LRIG1: variants seen among roughly 807,000 people sequenced by gnomAD.
The protein encoded by LRIG1 is leucine-rich repeats and immunoglobulin-like domains protein 1.
LRIG1 carries 48 observed loss-of-function variants against 99.2 expected under a neutral mutation model. The ratio of observed to expected loss-of-function variants is 0.48; its 90% confidence interval spans 0.38 to 0.62. The LOEUF (loss-of-function observed/expected upper bound fraction) is 0.62, where lower values mean the gene tolerates loss of function less well. LRIG1 is among the 20% of genes least tolerant of loss of function. LRIG1 has a pLI of 0.00. For missense variants in LRIG1, 1,646 were observed against 1,434.4 expected, an observed-to-expected ratio of 1.15 and a Z score of -2.38; for synonymous variants, 772 against 596.1, an observed-to-expected ratio of 1.29 and a Z score of -4.30.
chr3:66,479,208 T>C (rs1700793740), intron 1 of LRIG1, among the ~76,000 whole-genome samples: 1 of 152,264 alleles, frequency 6.6e-6, no homozygotes, highest in African/African-American at 2.4e-5. Context: ...AAGGCAGACC[T>C]GCCTCGGAAC....
chr3:66,435,964 T>TA (rs1703343435), intron 3 of LRIG1, among the ~76,000 whole-genome samples: 1 of 152,192 alleles, frequency 6.6e-6, no homozygotes, highest in South Asian at 2.1e-4. Flanking sequence ...AGCAGAAACT[T>TA]ACACAGTATG....
In LRIG1 at chr3:66,466,255, C is replaced by T. The variant is rs1362013741; in HGVS notation, c.219-3746G>A. 2.0e-5 allele frequency among the ~76,000 whole-genome samples: 3 copies of T among 152,230 alleles called. No homozygotes were observed. The East Asian group carries it at 5.8e-4, about 29-fold the overall frequency. ...GGAGGGTCTCCCTATATTGCCCAGG[C>T]TAGTCTTGAACTCCTGGCCTGAAGC... On this transcript the variant is annotated intron_variant, in intron 1 of 18. Coordinates refer to ENST00000273261, the MANE Select transcript of LRIG1 (RefSeq NM_015541.3).
Position 66,380,326 on chromosome 3 carries a change from C to T in LRIG1, c.3219G>A (p.Thr1073=), listed in dbSNP as rs371148346. 1.7e-5 allele frequency: 27 copies of T among 1,614,046 alleles called. 1 individual carries two copies. The highest frequency in any genetic ancestry group is 1.3e-4 in the African/African-American group (10 of 74,912). Residue 1073 remains threonine, a synonymous_variant, in exon 19 of 19, where the codon ACG becomes ACA. Transcript: ENST00000273261. ...TCCCGGGGAGCTGTCCTGTCAGTGG[C>T]GTGGACTCGGGACTGGCGTCACATG... The part of the protein sequence containing the change: ...PKACDASPES[T]PLTGQLPGKQ...
chr3:66,469,539 C>A (rs1227769003), intron 1 of LRIG1, among the ~76,000 whole-genome samples: 2 of 152,214 alleles, frequency 1.3e-5, no homozygotes, highest in Non-Finnish European at 2.9e-5. Context: ...CTCATGCCTA[C>A]CTCTGTGATC....
intron 8 of LRIG1, chr3:66,405,868 TC>T: frequency 9.2e-7 from 1 of 1,089,744 alleles, no homozygotes; most frequent in Non-Finnish European, 1.1e-6. Flanking sequence ...CTCGCCAGGA[TC>T]AGAGGGATGA....
intron 3 of LRIG1, among the ~76,000 whole-genome samples, chr3:66,441,032 C>T (rs569764846): frequency 2.0e-5 from 3 of 152,082 alleles, no homozygotes; most frequent in Non-Finnish European, 2.9e-5. Context: ...GAAAAGGAGC[C>T]CTGCTATTTA....
intron 1 of LRIG1, among the ~76,000 whole-genome samples, chr3:66,487,191 A>G (rs1441296927): frequency 6.6e-6 from 1 of 152,226 alleles, no homozygotes; most frequent in Non-Finnish European, 1.5e-5. Flanking sequence ...GTTCTGACAT[A>G]TAAAATCAGA....
At chr3:66,407,633 ACC>A in intron 7 of LRIG1, 142 bp from the exon 8 acceptor site, 1 of 777,162 alleles carries the variant, frequency 1.3e-6, no homozygotes, top group Non-Finnish European at 2.1e-6. Context: ...GCACACACAC[ACC>A]CACACCCACA....
chr3:66,380,720 T>G lies in LRIG1; in HGVS notation c.2912A>C (p.Asp971Ala), dbSNP rs140085866. ...APNGPEPGGS[D>A]QEHSPHHQCS... ...CTGGTGATGTGGAGAATGCTCTTGGTCACTCCCACCCGGCTCCGGGCCATT... is the reference window on the plus strand; with the variant it reads ...CTGGTGATGTGGAGAATGCTCTTGGGCACTCCCACCCGGCTCCGGGCCATT... Residue 971 changes from aspartate (D) to alanine (A), a missense_variant, in exon 18 of 19, where the codon GAC becomes GCC. Physicochemically the swap from Asp to Ala is moderately radical, Grantham distance 126 (BLOSUM62 -2). Coordinates refer to ENST00000273261, the MANE Select transcript of LRIG1 (RefSeq NM_015541.3). The G allele has an allele frequency of 2.5e-6, 4 of 1,614,072 alleles. No individual in the cohort carries two copies. The African/African-American group carries it at 5.3e-5, about 22-fold the overall frequency.
intron 2 of LRIG1, among the ~76,000 whole-genome samples, chr3:66,453,730 G>A (rs1415416241): frequency 2.0e-5 from 3 of 152,230 alleles, no homozygotes; most frequent in Non-Finnish European, 2.9e-5. Flanking sequence ...GGAGAGCAGC[G>A]GGCTCAAAGG....
At position 66,484,596 on chromosome 3, in the gene LRIG1, G is replaced by C. The variant is rs568698930; in HGVS notation, c.218+15594C>G. Among the ~76,000 whole-genome samples, 5 of 152,256 alleles carry C rather than the reference G, an allele frequency of 3.3e-5. No homozygotes were observed. In the East Asian group the frequency reaches 9.7e-4, roughly 29 times the overall value. On this transcript the variant is annotated intron_variant, in intron 1 of 18. Transcript: ENST00000273261. The stretch of plus-strand genomic sequence containing the variant: ...GAGGAAATGGTGGGTGAGGGACATG[G>C]GACATGGTGGTATTTAAAAAGTCTT...
intron 9 of LRIG1, among the ~76,000 whole-genome samples, chr3:66,403,027 T>C (rs560169534): frequency 6.6e-6 from 1 of 152,278 alleles, no homozygotes; most frequent in Admixed American, 6.5e-5. Flanking sequence ...ATGAGAAGCA[T>C]TTACTTCTCC....
rs747530824 is a variant in LRIG1 at position 66,407,448 on chromosome 3, G to A, written c.979C>T (p.Leu327=). The change falls in exon 8 of 19, where the codon CTG becomes TTG. Residue 327 remains leucine (L), a synonymous_variant. Coordinates refer to ENST00000273261, the MANE Select transcript of LRIG1 (RefSeq NM_015541.3). ...ACACTCAGGCTGCTCAGCTCGGCCA[G>A]GCTCTCCTCGTCCAGCCGTGTCAGG... ...NNLTRLDEES[L]AELSSLSVLR... The A allele has an allele frequency of 1.2e-5, 20 of 1,613,888 alleles. No homozygotes were observed. Among genetic ancestry groups the A allele is most frequent in the Non-Finnish European group, 1.1e-5 (13 of 1,180,040 alleles).
chr3:66,449,512 T>G (rs1317725843), intron 3 of LRIG1, among the ~76,000 whole-genome samples: 1 of 152,222 alleles, frequency 6.6e-6, no homozygotes, highest in African/African-American at 2.4e-5. Flanking sequence ...ACAGCCCCAC[T>G]TCTCTTGGCA....
intron 1 of LRIG1, among the ~76,000 whole-genome samples, chr3:66,469,722 A>G (rs1700553978): frequency 6.6e-6 from 1 of 152,180 alleles, no homozygotes; most frequent in Admixed American, 6.5e-5. Context: ...CTGATAACAA[A>G]TTAGGATAAG....
intron 1 of LRIG1, among the ~76,000 whole-genome samples, chr3:66,486,723 T>C (rs1409327682): frequency 6.6e-6 from 1 of 152,188 alleles, no homozygotes; most frequent in Admixed American, 6.5e-5. Context: ...CTATTTTAGG[T>C]ATCACAGACT....
At chr3:66,470,952 A>G (rs1052594943) in intron 1 of LRIG1, among the ~76,000 whole-genome samples, 2 of 152,224 alleles carry the variant, frequency 1.3e-5, no homozygotes, top group African/African-American at 4.8e-5. Flanking sequence ...ATTTCCCATA[A>G]TAGTCTCTTG....
At chr3:66,411,169 A>G (rs2106672847) in intron 6 of LRIG1, among the ~76,000 whole-genome samples, 1 of 152,210 alleles carries the variant, frequency 6.6e-6, no homozygotes, top group Non-Finnish European at 1.5e-5. Flanking sequence ...CCAACACAGC[A>G]TGTGCCAGGA....
intron 3 of LRIG1, among the ~76,000 whole-genome samples, chr3:66,433,908 G>T (rs1321720472): frequency 6.6e-6 from 1 of 152,194 alleles, no homozygotes; most frequent in Non-Finnish European, 1.5e-5. Flanking sequence ...GGAACCACAA[G>T]CTTCAAGTTT....
Sources: allele counts gnomAD v4.1 joint callset (sites outside exome capture counted in the v4.1 genomes callset), GRCh38; gene constraint gnomAD v4.1.1; transcripts MANE v1.5; gene names NCBI Gene and HGNC (gene_info 2026-07-23, HGNC 2026-07-21).